AAK1: variants seen among roughly 807,000 people sequenced by gnomAD.
AAK1 encodes the protein AP2 associated kinase 1, also known as AP2-associated protein kinase 1.
Under a neutral mutation model 116.0 loss-of-function variants are expected in AAK1, and 37 were observed. The ratio of observed to expected loss-of-function variants is 0.32; its 90% CI spans 0.25 to 0.42. The LOEUF is 0.42. Ranked by LOEUF, AAK1 falls within the 10% of genes least tolerant of loss-of-function variation. The pLI, the probability that AAK1 is intolerant of heterozygous loss-of-function variation, is 1.00. For missense variants in AAK1, 919 were observed against 1,170.6 expected, an observed-to-expected ratio of 0.79 and a Z score of 3.14; for synonymous variants, 458 against 439.9, an observed-to-expected ratio of 1.04 and a Z score of -0.51.
Position 69,556,148 on chromosome 2 carries a change from T to C in AAK1, c.282+712A>G, listed in dbSNP as rs572481924. Among the ~76,000 whole-genome samples, 9 of 152,348 alleles carry C rather than the reference T, an allele frequency of 5.9e-5. No individual in the cohort carries two copies. The South Asian group carries it at 1.5e-3, about 25-fold the overall frequency. On this transcript the variant is annotated intron_variant, in intron 3 of 21. Coordinates refer to ENST00000409085, the MANE Select transcript of AAK1 (RefSeq NM_014911.5). ...AATGTGCAGATTTTAAGGTGTTCAA[T>C]TGAGTTCTGACACATATATACCCTG...
rs1350954836 is a variant in AAK1, at chr2:69,461,312, G to A, written c.*14557C>T. On this transcript the variant is annotated 3_prime_UTR_variant, in exon 22 of 22. Coordinates refer to ENST00000409085, the MANE Select transcript of AAK1 (RefSeq NM_014911.5). ...GTTTGTGTTAAGTACACTCTGTGAT[G>A]TTCACACAATGACAAAATCACCTAA... is the stretch of plus-strand genomic sequence containing the variant. 2 of 229,978 alleles carry A rather than the reference G, an allele frequency of 8.7e-6. No homozygotes were observed. The highest frequency in any genetic ancestry group is 1.7e-5 in the Non-Finnish European group (2 of 114,876). 14.2% of individuals were successfully genotyped at this position (229,978 alleles called of 1,614,324 possible).
chr2:69,601,245 C>T (rs1035167708), intron 2 of AAK1, among the ~76,000 whole-genome samples: 96 of 152,344 alleles, frequency 6.3e-4, no homozygotes, highest in African/African-American at 2.3e-3. Flanking sequence ...ATATGACACA[C>T]AGTTCTGGAC....
Position 69,476,886 on chromosome 2 carries a change from G to C in AAK1, c.2785C>G (p.Pro929Ala). 6.2e-7 allele frequency: 1 copy of C among 1,612,590 alleles called. No individual in the cohort carries two copies. Among genetic ancestry groups the C allele is most frequent in the Admixed American group, 1.7e-5 (1 of 59,924 alleles). The part of the protein sequence containing the change: ...DPIPVLITKN[P>A]QGGHSRNSSG... ...TCCCCATCCTTTTTCTTACCTTGTG[G>C]GTTTTTGGTTATCAATACAGGAATA... is the stretch of plus-strand genomic sequence containing the variant. Residue 929 changes from proline to alanine, a missense_variant, in exon 21 of 22, where the codon CCA becomes GCA. Pro to Ala is a conservative substitution (Grantham distance 27). Around this residue, in one of 4 missense-constraint regions of AAK1, gnomAD observed 263 missense variants for 285.5 expected, o/e 0.92. Coordinates refer to ENST00000409085, the MANE Select transcript of AAK1 (RefSeq NM_014911.5).
At chr2:69,490,951 T>TAA (rs903803394) in intron 17 of AAK1, among the ~76,000 whole-genome samples, 1 of 141,532 alleles carries the variant, frequency 7.1e-6, no homozygotes, top group Non-Finnish European at 1.5e-5. Flanking sequence ...ACACACTTTT[T>TAA]AAGAGACAGG....
At chr2:69,500,684 T>C (rs1203448196) in intron 16 of AAK1, among the ~76,000 whole-genome samples, 43 of 109,024 alleles carry the variant, frequency 3.9e-4, no homozygotes, top group Admixed American at 2.9e-3. Flanking sequence ...TATATATATA[T>C]ATATATATAT....
chr2:69,481,571 A>G (rs1041184490), intron 18 of AAK1: 2 of 152,254 alleles, frequency 1.3e-5, no homozygotes, highest in South Asian at 2.1e-4. Flanking sequence ...AGGTCATGGC[A>G]CTTCTGAGTT....
chr2:69,481,154 A>C (rs1383051632), intron 18 of AAK1, 193 bp from the exon 19 acceptor site: 1 of 448,548 alleles, frequency 2.2e-6, no homozygotes, highest in Non-Finnish European at 4.0e-6. Context: ...GAGCCACTGC[A>C]CCCAGCCATG....
intron 2 of AAK1, among the ~76,000 whole-genome samples, chr2:69,640,014 AACACACAC>A (rs376034914): frequency 8.7e-4 from 90 of 103,762 alleles, no homozygotes; most frequent in Middle Eastern, 5.7e-3. Context: ...ACTCCCCTTT[AACACACAC>A]ACACACACAC....
intron 3 of AAK1, among the ~76,000 whole-genome samples, chr2:69,552,300 A>G (rs1381731248): frequency 6.6e-6 from 1 of 152,246 alleles, no homozygotes; most frequent in African/African-American, 2.4e-5. Context: ...TTCACAATTA[A>G]GTTCAACTGA....
At chr2:69,541,887 C>T (rs1186452244) in intron 5 of AAK1, among the ~76,000 whole-genome samples, 3 of 152,208 alleles carry the variant, frequency 2.0e-5, no homozygotes, top group Non-Finnish European at 4.4e-5. Flanking sequence ...CTGGCACTGT[C>T]CTTCCTAGTT....
intron 8 of AAK1, among the ~76,000 whole-genome samples, chr2:69,529,271 T>A (rs932389276): frequency 3.3e-5 from 5 of 152,230 alleles, no homozygotes; most frequent in Admixed American, 6.5e-5. Flanking sequence ...CCAAATGGGT[T>A]ACTCAGGATT....
chr2:69,471,450 A>G lies in AAK1; in HGVS notation c.*4419T>C. ...GTGTTGATAAAATTATAGCCTTTAG[A>G]GAGGAATAAAGATAGCTTTGCAGTA... On this transcript the variant is annotated 3_prime_UTR_variant, in exon 22 of 22. Coordinates refer to ENST00000409085, the MANE Select transcript of AAK1 (RefSeq NM_014911.5). The G allele has an allele frequency of 3.0e-6, 3 of 985,482 alleles. No individual in the cohort carries two copies. The highest frequency in any genetic ancestry group is 2.4e-6 in the Non-Finnish European group (2 of 829,942). The allele number at this position is 985,482 out of a possible 1,614,324, so 61.0% of individuals were successfully genotyped here.
chr2:69,591,632 G>A (rs1256399996), intron 2 of AAK1, among the ~76,000 whole-genome samples: 7 of 149,014 alleles, frequency 4.7e-5, no homozygotes, highest in Non-Finnish European at 1.0e-4. Flanking sequence ...GTGCAGTGGC[G>A]CAATCTCGGC....
intron 18 of AAK1, chr2:69,481,233 T>C: frequency 3.4e-6 from 1 of 297,720 alleles, no homozygotes; most frequent in Non-Finnish European, 6.4e-6. Context: ...AATAAGTTAC[T>C]TTATTTCTGC....
At position 69,487,804 on chromosome 2, in the gene AAK1, T is replaced by C. The variant is rs200803885; in HGVS notation, c.2366-4992A>G. On this transcript the variant is annotated intron_variant, in intron 17 of 21. Coordinates refer to ENST00000409085, the MANE Select transcript of AAK1 (RefSeq NM_014911.5). ...TTTGTTTGCTTTTTTTTTTTTTTTT[T>C]TTGAGACAGAGTTTCACTCTTGTTG... Among the ~76,000 whole-genome samples, 14 of 150,698 alleles carry C rather than the reference T, an allele frequency of 9.3e-5. No individual in the cohort carries two copies. The East Asian group carries it at 2.5e-3, about 27-fold the overall frequency.
At chr2:69,567,523 T>C (rs570583794) in intron 2 of AAK1, among the ~76,000 whole-genome samples, 2 of 152,272 alleles carry the variant, frequency 1.3e-5, no homozygotes, top group Admixed American at 1.3e-4. Flanking sequence ...GTGTTTGTTA[T>C]ACAATGTGTT....
intron 2 of AAK1, among the ~76,000 whole-genome samples, chr2:69,584,882 C>G (rs1259224974): frequency 6.6e-6 from 1 of 152,170 alleles, no homozygotes; most frequent in Non-Finnish European, 1.5e-5. Context: ...CTCCCTCCTT[C>G]TCCTAGAGCT....
At position 69,467,089 on chromosome 2, in the gene AAK1, C is replaced by T. The variant is rs1674512348; in HGVS notation, c.*8780G>A. On this transcript the variant is annotated 3_prime_UTR_variant, in exon 22 of 22. Transcript: ENST00000409085. ...TTGATGACTTACATCACAAGCACTACTCAAAGAGCATACGAGTGCCCAAAA... is the reference window on the plus strand; with the variant it reads ...TTGATGACTTACATCACAAGCACTATTCAAAGAGCATACGAGTGCCCAAAA... 2.0e-6 allele frequency: 2 copies of T among 985,282 alleles called. No individual in the cohort carries two copies. The highest frequency in any genetic ancestry group is 1.7e-5 in the African/African-American group (1 of 57,226). The allele number at this position is 985,282 out of a possible 1,614,324, so 61.0% of individuals were successfully genotyped here.
At chr2:69,630,728 T>C (rs549581233) in intron 2 of AAK1, among the ~76,000 whole-genome samples, 7 of 152,324 alleles carry the variant, frequency 4.6e-5, no homozygotes, top group African/African-American at 1.7e-4. Flanking sequence ...GTACTAACCT[T>C]GAAAGTCTTC....
Sources: gnomAD v4.1 joint callset for allele counts (sites outside exome capture counted in the v4.1 genomes callset) on GRCh38, gnomAD v4.1.1 for gene constraint, gnomAD v4.1.1 regional missense constraint, MANE v1.5 for transcripts, NCBI Gene and HGNC (gene_info 2026-07-23, HGNC 2026-07-21) for gene names.